Variants in EIF2S3B observed in about 807,000 individuals in gnomAD.
EIF2S3B encodes eukaryotic translation initiation factor 2 subunit 3B.
In EIF2S3B, 16 loss-of-function variants were observed where a neutral mutation model predicts 26.4. The observed-to-expected ratio is 0.61, with a 90% confidence interval of 0.41 to 0.92. EIF2S3B has a LOEUF of 0.92. EIF2S3B is among the 40% of genes least tolerant of loss of function. The pLI, the probability that EIF2S3B is intolerant of heterozygous loss-of-function variation, is 0.00. For missense variants in EIF2S3B, 510 were observed against 575.5 expected (o/e 0.89, Z 1.16); for synonymous variants, 183 against 204.4 (o/e 0.90, Z 0.89).
rs1270600849 is a variant in EIF2S3B, at chr12:10,508,086, G to A, written c.*765G>A. Among the ~76,000 whole-genome samples, 1 of 151,856 alleles carries A rather than the reference G, an allele frequency of 6.6e-6. No homozygotes were observed. Among genetic ancestry groups the A allele is most frequent in the Non-Finnish European group, 1.5e-5 (1 of 67,958 alleles). ...CTTGAAGACCTTCTCCCTTTTCTTT[G>A]GCCCCATATTTTATGTTGCTTTATC... On this transcript the variant is annotated 3_prime_UTR_variant, in exon 1 of 1. Coordinates refer to ENST00000538173, the MANE Select transcript of EIF2S3B (RefSeq NM_001357734.3).
Position 10,507,585 on chromosome 12 carries a change from AT to A in EIF2S3B, c.*266del, listed in dbSNP as rs1715558422. 5.3e-6 allele frequency: 3 copies of A among 567,206 alleles called. No homozygotes were observed. The South Asian group carries it at 7.2e-5, about 14-fold the overall frequency. The allele number at this position is 567,206 out of a possible 1,614,324, so 35.1% of individuals were successfully genotyped here. A position where few individuals can be genotyped will look rare whatever the true frequency, so the allele number is the denominator to read the frequency against. On this transcript the variant is annotated 3_prime_UTR_variant, in exon 1 of 1. Coordinates refer to ENST00000538173, the MANE Select transcript of EIF2S3B (RefSeq NM_001357734.3). ...TTCCCACATAATGTCAAAATTATAC[AT>A]TATGCAGTTTTTTTGTTTGTTTTAT...
At chr12:10,521,207 G>A (rs1458389411) in intron 1 of EIF2S3B, among the ~76,000 whole-genome samples, 1 of 152,124 alleles carries the variant, frequency 6.6e-6, no homozygotes, top group African/African-American at 2.4e-5. Flanking sequence ...TCTGCAATCT[G>A]CCAGATTATC....
In EIF2S3B at chr12:10,506,165, T is replaced by C. The variant is rs745723217; in HGVS notation, c.263T>C (p.Ile88Thr). Residue 88 changes from isoleucine (I) to threonine (T), a missense_variant, in exon 1 of 1, where the codon ATT becomes ACT. Coordinates refer to ENST00000538173, the MANE Select transcript of EIF2S3B (RefSeq NM_001357734.3). ...AAGCTTGGATATGCTAATGCTAAGA[T>C]TTATCAACTTGATGACCCAAGTTGC... is the stretch of plus-strand genomic sequence containing the variant. ...TIKLGYANAK[I>T]YQLDDPSCPR... is the part of the protein sequence containing the mutation. 1 of 1,576,154 alleles carries C rather than the reference T, an allele frequency of 6.3e-7. No individual in the cohort carries two copies. Among genetic ancestry groups the C allele is most frequent in the Non-Finnish European group, 8.7e-7 (1 of 1,145,336 alleles).
At chr12:10,516,860 T>G (rs976964833) in intron 1 of EIF2S3B, among the ~76,000 whole-genome samples, 2 of 148,408 alleles carry the variant, frequency 1.3e-5, no homozygotes, top group East Asian at 1.9e-4. Context: ...CTGCATCTAT[T>G]GAGATAATCA....
rs1413675922 is a variant in EIF2S3B, at chr12:10,507,442, A to G, written c.*121A>G. On this transcript the variant is annotated 3_prime_UTR_variant, in exon 1 of 1. Transcript: ENST00000538173. ...TGATTTCACAGTTTGTTACCTTAGTAGGTAACGGTAAGGTTATTCTCTCTT... is the reference window on the plus strand; with the variant it reads ...TGATTTCACAGTTTGTTACCTTAGTGGGTAACGGTAAGGTTATTCTCTCTT... 23 of 1,153,234 alleles carry G rather than the reference A, an allele frequency of 2.0e-5. No homozygotes were observed. The East Asian group carries it at 5.4e-4, about 27-fold the overall frequency. 71.4% of individuals were successfully genotyped at this position (1,153,234 alleles called of 1,614,324 possible).
At chr12:10,512,277 A>AGTC (rs141906442), downstream of EIF2S3B, among the ~76,000 whole-genome samples, 5,882 of 152,220 alleles carry the variant, frequency 0.039, 382 homozygotes, top group African/African-American at 0.13. Context: ...ATCTAAAAAC[A>AGTC]GTCAGCTCTG....
At chr12:10,522,780 C>G (rs1203060823) in exon 2 of EIF2S3B, 2 of 593,420 alleles carry the variant, frequency 3.4e-6, no homozygotes, top group Non-Finnish European at 6.0e-6. Flanking sequence ...GGCTGTGATG[C>G]CCGGAATTGT....
chr12:10,506,701 C>G lies in EIF2S3B; in HGVS notation c.799C>G (p.Pro267Ala), dbSNP rs766629974. 1.2e-6 allele frequency: 2 copies of G among 1,614,004 alleles called. No individual in the cohort carries two copies. Among genetic ancestry groups the G allele is most frequent in the Non-Finnish European group, 1.7e-6 (2 of 1,179,910 alleles). The change falls in exon 1 of 1, where the codon CCT becomes GCT. Residue 267 changes from proline to alanine, a missense_variant. By Grantham distance (27) the Pro-to-Ala change is conservative. Coordinates refer to ENST00000538173, the MANE Select transcript of EIF2S3B (RefSeq NM_001357734.3). ...TATTAGATCTTTTGATGTCAACAAA[C>G]CTGGCTGTGAAGTTGATGACCTTAA... Reference protein sequence around the residue: ...IVIRSFDVNKPGCEVDDLKGG... With the variant: ...IVIRSFDVNKAGCEVDDLKGG...
intron 1 of EIF2S3B, among the ~76,000 whole-genome samples, chr12:10,516,017 A>G (rs1864752757): frequency 1.4e-5 from 2 of 148,038 alleles, no homozygotes; most frequent in African/African-American, 4.9e-5. Context: ...TTATTAAAAT[A>G]AATTATTTTA....
rs1241812503 is a variant in EIF2S3B at position 10,506,864 on chromosome 12, T to C, written c.962T>C (p.Leu321Pro). Residue 321 changes from leucine to proline, a missense_variant, in exon 1 of 1, where the codon CTT becomes CCT. By Grantham distance (98) the Leu-to-Pro change is moderately conservative. Transcript: ENST00000538173. ...CKSIFSKIVS[L>P]FAEHNDLQYA... ...TCAATCTTTTCCAAAATTGTTTCAC[T>C]TTTTGCGGAGCATAATGATCTGCAA... is the stretch of plus-strand genomic sequence containing the variant. The C allele has an allele frequency of 6.2e-6, 10 of 1,613,656 alleles. No individual in the cohort carries two copies. Among genetic ancestry groups the C allele is most frequent in the Non-Finnish European group, 8.5e-6 (10 of 1,179,546 alleles).
intron 1 of EIF2S3B, among the ~76,000 whole-genome samples, chr12:10,515,012 C>G (rs939494052): frequency 3.9e-5 from 6 of 152,036 alleles, no homozygotes; most frequent in African/African-American, 1.4e-4. Flanking sequence ...TAACATAGTG[C>G]AAAAGACCCT....
In EIF2S3B at chr12:10,506,383, G is replaced by A. The variant is rs1864630108; in HGVS notation, c.481G>A (p.Gly161Ser). 6.2e-7 allele frequency: 1 copy of A among 1,614,056 alleles called. No individual in the cohort carries two copies. The highest frequency in any genetic ancestry group is 8.5e-7 in the Non-Finnish European group (1 of 1,179,972). ...VMDAALLLIA[G>S]NESCPQPQTS... ...GGATGCAGCTCTTCTGTTGATAGCT[G>A]GTAATGAATCTTGCCCTCAGCCTCA... Residue 161 changes from glycine to serine, a missense_variant, in exon 1 of 1, where the codon GGT (glycine) becomes AGT (serine). Physicochemically the swap from Gly to Ser is moderately conservative, Grantham distance 56. Transcript: ENST00000538173.
At chr12:10,522,776 G>A (rs1258614835) in exon 2 of EIF2S3B, 1 of 607,676 alleles carries the variant, frequency 1.6e-6, no homozygotes, top group Non-Finnish European at 2.9e-6. Context: ...TGCAGGCTGT[G>A]ATGCCCGGAA....
rs1420838391 is a variant in EIF2S3B at position 10,507,013 on chromosome 12, T to C, written c.1111T>C (p.Leu371=). ...AGCTTTACCTGAGATATTCACAGAA[T>C]TGGAAATTTCCTATTTCCTGCTTAG... ...VGALPEIFTE[L]EISYFLLRRL... Residue 371 remains leucine (L), a synonymous_variant, in exon 1 of 1, where the codon TTG becomes CTG. Transcript: ENST00000538173. 4 of 1,613,776 alleles carry C rather than the reference T, an allele frequency of 2.5e-6. No individual in the cohort carries two copies. Among genetic ancestry groups the C allele is most frequent in the East Asian group, 2.2e-5 (1 of 44,882 alleles).
chr12:10,514,187 G>A (rs1764797359), intron 1 of EIF2S3B, among the ~76,000 whole-genome samples: 1 of 151,644 alleles, frequency 6.6e-6, no homozygotes, highest in African/African-American at 2.4e-5. Context: ...TTTCACCATA[G>A]CTTACTCTCC....
downstream of EIF2S3B, among the ~76,000 whole-genome samples, chr12:10,508,615 G>A (rs1864672866): frequency 6.6e-6 from 1 of 150,694 alleles, no homozygotes; most frequent in African/African-American, 2.4e-5. Context: ...CCTGAAGACG[G>A]CATTGTGATT....
Position 10,508,447 on chromosome 12 carries a change from ATATG to A in EIF2S3B, c.*1127_*1130del, listed in dbSNP as rs1183618502. Among the ~76,000 whole-genome samples the A allele has an allele frequency of 1.4e-5, 2 of 144,316 alleles. No individual in the cohort carries two copies. Among genetic ancestry groups the A allele is most frequent in the Non-Finnish European group, 3.0e-5 (2 of 66,464 alleles). 94.7% of individuals were successfully genotyped at this position (144,316 alleles called of 152,430 possible). A position where few individuals can be genotyped will look rare whatever the true frequency, so the allele number is the denominator to read the frequency against. ...CATTTTATGTTTTTTCTTAACTGTT[ATATG>A]ATTGTGACACAGATTATAATATTAC... On this transcript the variant is annotated 3_prime_UTR_variant, in exon 1 of 1. Transcript: ENST00000538173.
chr12:10,514,797 T>C (rs1328953515), intron 1 of EIF2S3B, among the ~76,000 whole-genome samples: 1 of 152,144 alleles, frequency 6.6e-6, no homozygotes, highest in East Asian at 1.9e-4. Context: ...ATCATTGCTT[T>C]TTTTCATGAT....
In EIF2S3B at chr12:10,507,021, T is replaced by C. The variant is rs533498167; in HGVS notation, c.1119T>C (p.Ile373=). 5.4e-5 allele frequency: 87 copies of C among 1,613,742 alleles called. No individual in the cohort carries two copies. The South Asian group carries it at 9.2e-4, about 17-fold the overall frequency. The change falls in exon 1 of 1, where the codon ATT becomes ATC. Residue 373 remains isoleucine, a synonymous_variant. Coordinates refer to ENST00000538173, the MANE Select transcript of EIF2S3B (RefSeq NM_001357734.3). ...ALPEIFTELE[I]SYFLLRRLLG... is the part of the protein sequence containing the mutation. ...CTGAGATATTCACAGAATTGGAAATTTCCTATTTCCTGCTTAGACGGCTTC... is the reference window on the plus strand; with the variant it reads ...CTGAGATATTCACAGAATTGGAAATCTCCTATTTCCTGCTTAGACGGCTTC...
Sources: gnomAD v4.1 joint callset for allele counts (sites outside exome capture counted in the v4.1 genomes callset) on GRCh38, gnomAD v4.1.1 for gene constraint, MANE v1.5 for transcripts, NCBI Gene and HGNC (gene_info 2026-07-23, HGNC 2026-07-21) for gene names.